CTDP1: variants seen among roughly 807,000 people sequenced by gnomAD.
The protein encoded by CTDP1 is CTD phosphatase 1.
CTDP1 carries 47 observed loss-of-function variants against 91.8 expected under a neutral mutation model. That is an observed-to-expected ratio of 0.51 (90% CI 0.41 to 0.65). CTDP1 has a LOEUF of 0.65. Ranked by LOEUF, CTDP1 falls within the 30% of genes least tolerant of loss-of-function variation. The pLI, the probability that CTDP1 is intolerant of heterozygous loss-of-function variation, is 0.00. For synonymous variants in CTDP1, 656 were observed against 598.5 expected (o/e 1.10, Z -1.40); for missense variants, 1,272 against 1,373.7 (o/e 0.93, Z 1.17).
chr18:79,748,377 G>A (rs1356766461), intron 12 of CTDP1, among the ~76,000 whole-genome samples: 1 of 152,186 alleles, frequency 6.6e-6, no homozygotes, highest in Non-Finnish European at 1.5e-5. Context: ...GACCGCGCAG[G>A]GCCTGGGGGG....
At chr18:79,736,221 A>T (rs1334197343) in intron 11 of CTDP1, 134 bp from the exon 12 acceptor site, 3 of 1,148,086 alleles carry the variant, frequency 2.6e-6, no homozygotes, top group Non-Finnish European at 3.8e-6. Flanking sequence ...CCCAGGGCTC[A>T]GGTAGAAAGC....
intron 12 of CTDP1, among the ~76,000 whole-genome samples, chr18:79,749,616 G>A (rs1276305906): frequency 6.6e-6 from 1 of 152,084 alleles, no homozygotes; most frequent in African/African-American, 2.4e-5. Context: ...CCCCCTCCCC[G>A]AGGTCAGCGC....
chr18:79,710,322 C>CT, intron 5 of CTDP1, 24 bp from the exon 6 acceptor site: 1 of 1,590,676 alleles, frequency 6.3e-7, no homozygotes, highest in Non-Finnish European at 8.6e-7. Context: ...GGTATGTAAT[C>CT]TTTGTCCTGT....
chr18:79,735,083 T>A (rs1337453812), intron 11 of CTDP1, among the ~76,000 whole-genome samples: 1 of 152,132 alleles, frequency 6.6e-6, no homozygotes, highest in African/African-American at 2.4e-5. Context: ...CCATGTGGGC[T>A]CGGGGGCTGA....
intron 11 of CTDP1, among the ~76,000 whole-genome samples, chr18:79,735,366 G>A (rs890973165): frequency 5.9e-5 from 9 of 152,226 alleles, no homozygotes; most frequent in Admixed American, 1.3e-4. Flanking sequence ...CAGGGACCAC[G>A]GGGCTGTGCC....
At chr18:79,747,257 C>A (rs1049007512) in intron 12 of CTDP1, among the ~76,000 whole-genome samples, 10 of 152,216 alleles carry the variant, frequency 6.6e-5, no homozygotes, top group African/African-American at 1.9e-4. Context: ...GGCCAGCTCC[C>A]TGCTGGGAAG....
At position 79,679,832 on chromosome 18, in the gene CTDP1, A is replaced by C; in HGVS notation, c.-116A>C. On this transcript the variant is annotated 5_prime_UTR_variant, in exon 1 of 13. Coordinates refer to ENST00000613122, the MANE Select transcript of CTDP1 (RefSeq NM_004715.5). ...CGGCGCGGGCTAGGCGACGGGTGGAAGCCGGTACCGAGAGGAACTACAGCG... is the reference window on the plus strand; with the variant it reads ...CGGCGCGGGCTAGGCGACGGGTGGACGCCGGTACCGAGAGGAACTACAGCG... 9.7e-7 allele frequency: 1 copy of C among 1,033,238 alleles called. No homozygotes were observed. Among genetic ancestry groups the C allele is most frequent in the Non-Finnish European group, 1.3e-6 (1 of 756,748 alleles). The allele number at this position is 1,033,238 out of a possible 1,614,324, so 64.0% of individuals were successfully genotyped here.
chr18:79,709,730 G>A (rs2086042031), intron 5 of CTDP1, among the ~76,000 whole-genome samples: 2 of 152,158 alleles, frequency 1.3e-5, no homozygotes, highest in South Asian at 4.1e-4. Context: ...CCTCGATGTT[G>A]CCTAAATTAC....
intron 12 of CTDP1, among the ~76,000 whole-genome samples, chr18:79,747,312 A>G (rs901657899): frequency 6.6e-6 from 1 of 152,106 alleles, no homozygotes; most frequent in African/African-American, 2.4e-5. Flanking sequence ...GGTTCATTCT[A>G]ATGCCATGAG....
chr18:79,726,860 CTGCTGT>C (rs1568206031), intron 10 of CTDP1, among the ~76,000 whole-genome samples: 2 of 42,952 alleles, frequency 4.7e-5, no homozygotes, highest in Admixed American at 2.9e-4. Context: ...TGCTGGTGGA[CTGCTGT>C]GGGGGTGGGG....
At chr18:79,679,592 T>G (rs1171996584), upstream of CTDP1, 1 of 471,976 alleles carries the variant, frequency 2.1e-6, no homozygotes, top group Non-Finnish European at 4.2e-6. Context: ...TCACTGGGAC[T>G]GGGCGACAGC....
At position 79,753,792 on chromosome 18, in the gene CTDP1, C is replaced by G. The variant is rs140149044; in HGVS notation, c.*2C>G. The stretch of plus-strand genomic sequence containing the variant: ...GCGGAGCTCAACGACCTCATGTGAG[C>G]GCGGGCAGCGGGCAGGGACTGAAGC... On this transcript the variant is annotated 3_prime_UTR_variant, in exon 13 of 13. Coordinates refer to ENST00000613122, the MANE Select transcript of CTDP1 (RefSeq NM_004715.5). The G allele has an allele frequency of 6.2e-7, 1 of 1,612,514 alleles. No homozygotes were observed. Among genetic ancestry groups the G allele is most frequent in the Admixed American group, 1.7e-5 (1 of 59,934 alleles).
At chr18:79,736,811 TG>T (rs1367450305) in intron 12 of CTDP1, among the ~76,000 whole-genome samples, 7 of 144,680 alleles carry the variant, frequency 4.8e-5, no homozygotes, top group African/African-American at 1.6e-4. Flanking sequence ...AGGCGTGTGG[TG>T]GGGGTATGCA....
At chr18:79,724,100 C>T (rs1165756591) in intron 10 of CTDP1, among the ~76,000 whole-genome samples, 2 of 152,176 alleles carry the variant, frequency 1.3e-5, no homozygotes, top group African/African-American at 4.8e-5. Context: ...AGGTTCGCAT[C>T]TTTCTGAGCA....
In CTDP1 at chr18:79,689,410, C is replaced by T. The variant is rs113078225; in HGVS notation, c.315-5815C>T. Among the ~76,000 whole-genome samples, 915 of 152,326 alleles carry T rather than the reference C, an allele frequency of 6.0e-3. 11 individuals carry two copies. Among genetic ancestry groups the T allele is most frequent in the African/African-American group, 0.02 (845 of 41,570 alleles). ...CTGTCAGTGATTCCTGCTTGAATCG[C>T]TTCATTTCTAGGATGATAGTCCAGT... On this transcript the variant is annotated intron_variant, in intron 1 of 12. Transcript: ENST00000613122.
rs375368580 is a variant in CTDP1 at position 79,714,861 on chromosome 18, G to A, written c.1401G>A (p.Thr467=). ...AGAGCAGCAGTGAGTCCGAGGGCAC[G>A]AAGTCCTCCTCCTCCGCCTCTGATG... is the stretch of plus-strand genomic sequence containing the variant. ...DSESSSESEG[T]KSSSSASDGE... The change falls in exon 8 of 13, where the codon ACG becomes ACA. Residue 467 remains threonine, a synonymous_variant. Transcript: ENST00000613122. 18 of 1,587,174 alleles carry A rather than the reference G, an allele frequency of 1.1e-5. No homozygotes were observed. In the African/African-American group the frequency reaches 1.2e-4, roughly 11 times the overall value.
chr18:79,725,438 C>T (rs2086426745), intron 10 of CTDP1, among the ~76,000 whole-genome samples: 1 of 152,170 alleles, frequency 6.6e-6, no homozygotes, highest in Non-Finnish European at 1.5e-5. Context: ...TTTTCCTTAA[C>T]AGTTACAGGG....
chr18:79,717,944 T>G lies in CTDP1; in HGVS notation c.2345T>G (p.Ile782Ser). 1 of 1,613,508 alleles carries G rather than the reference T, an allele frequency of 6.2e-7. No individual in the cohort carries two copies. Among genetic ancestry groups the G allele is most frequent in the South Asian group, 1.1e-5 (1 of 91,080 alleles). ...TACGACTCCAACACGGGGAAGCTCA[T>G]CAGGACGGGCGCCCGGGGGCCCCCA... ...RIYDSNTGKL[I>S]RTGARGPPAP... The change falls in exon 10 of 13, where the codon ATC (isoleucine) becomes AGC (serine). Residue 782 changes from isoleucine to serine, a missense_variant. Around this residue, in one of 3 missense-constraint regions of CTDP1, gnomAD observed 881 missense variants for 911.6 expected, o/e 0.97. Coordinates refer to ENST00000613122, the MANE Select transcript of CTDP1 (RefSeq NM_004715.5).
chr18:79,713,775 C>T lies in CTDP1; in HGVS notation c.1030+637C>T, dbSNP rs921934093. Among the ~76,000 whole-genome samples, 5 of 152,226 alleles carry T rather than the reference C, an allele frequency of 3.3e-5. No individual in the cohort carries two copies. Among genetic ancestry groups the T allele is most frequent in the East Asian group, 1.9e-4 (1 of 5,174 alleles). On this transcript the variant is annotated intron_variant, in intron 7 of 12. Coordinates refer to ENST00000613122, the MANE Select transcript of CTDP1 (RefSeq NM_004715.5). This position sits in a 1 kb window ranked among gnomAD's most constrained non-coding sequence, Gnocchi z 4.7. ...GAGACTTTCACCAGATGGGTGGGGT[C>T]AGCGTGGAGTTGCTGACTTCCTCCA... is the stretch of plus-strand genomic sequence containing the variant.
Sources: allele counts gnomAD v4.1 joint callset (sites outside exome capture counted in the v4.1 genomes callset), GRCh38; gene constraint gnomAD v4.1.1; regional missense constraint gnomAD v4.1.1; non-coding constraint Gnocchi (gnomAD v3.1); transcripts MANE v1.5; gene names NCBI Gene and HGNC (gene_info 2026-07-23, HGNC 2026-07-21).